Variants in ZNF318 observed in about 807,000 individuals in gnomAD.
ZNF318 encodes endocrine regulator.
Under a neutral mutation model 124.2 loss-of-function variants are expected in ZNF318, and 51 were observed. The ratio of observed to expected loss-of-function variants is 0.41; its 90% CI spans 0.33 to 0.52. The LOEUF (loss-of-function observed/expected upper bound fraction) is 0.52. ZNF318 is among the 20% of genes least tolerant of loss of function. The pLI, the probability that ZNF318 is intolerant of heterozygous loss-of-function variation, is 0.23. For missense variants in ZNF318, 2,815 were observed against 2,811.2 expected, an observed-to-expected ratio of 1.00 and a Z score of -0.03; for synonymous variants, 1,090 against 1,040.7, an observed-to-expected ratio of 1.05 and a Z score of -0.91.
Position 43,355,503 on chromosome 6 carries a change from A to G in ZNF318, c.1831T>C (p.Leu611=), listed in dbSNP as rs771460235. 1.9e-6 allele frequency: 3 copies of G among 1,614,194 alleles called. No individual in the cohort carries two copies. Among genetic ancestry groups the G allele is most frequent in the Admixed American group, 1.7e-5 (1 of 60,028 alleles). The change falls in exon 4 of 10, where the codon TTG becomes CTG. Residue 611 remains leucine (L), a synonymous_variant. Coordinates refer to ENST00000361428, the MANE Select transcript of ZNF318 (RefSeq NM_014345.3). ...AGTCGTTCCTGGGTGCGTGCAGCCAATTGACTAATCTCTGCTACTCCAATA... is the reference window on the plus strand; with the variant it reads ...AGTCGTTCCTGGGTGCGTGCAGCCAGTTGACTAATCTCTGCTACTCCAATA... ...LDIGVAEISQ[L]AARTQERLHG...
intron 6 of ZNF318, among the ~76,000 whole-genome samples, chr6:43,345,683 G>GAA (rs1343074857): frequency 6.6e-6 from 1 of 152,016 alleles, no homozygotes; most frequent in Non-Finnish European, 1.5e-5. Flanking sequence ...GGAAGACATG[G>GAA]AAAAAAATAG....
At chr6:43,346,693 A>T (rs1779452966) in intron 6 of ZNF318, among the ~76,000 whole-genome samples, 1 of 152,200 alleles carries the variant, frequency 6.6e-6, no homozygotes, top group Non-Finnish European at 1.5e-5. Context: ...AAGAGGTGGT[A>T]TCCAAATTGG....
rs1581640197 is a variant in ZNF318, at chr6:43,342,817, C to A, written c.3135G>T (p.Gln1045His). 6.2e-7 allele frequency: 1 copy of A among 1,614,132 alleles called. No homozygotes were observed. Among genetic ancestry groups the A allele is most frequent in the Non-Finnish European group, 8.5e-7 (1 of 1,180,004 alleles). ...GCTGATCCAACTGCTTAGTGGCTGA[C>A]TGGGGGCTTTCGGCAGGCTTGGGGC... Reference protein sequence around the residue: ...TKSPKPAESPQSATKQLDQPT... With the variant: ...TKSPKPAESPHSATKQLDQPT... Residue 1045 changes from glutamine to histidine, a missense_variant, in exon 7 of 10, where the codon CAG (glutamine) becomes CAT (histidine). By Grantham distance (24) the Gln-to-His change is conservative. Transcript: ENST00000361428.
chr6:43,369,436 CGCCGCAGCTGCAGCCGCCGCCACCTCG>C lies in ZNF318; in HGVS notation c.-98_-72del, dbSNP rs1214930890. 2.7e-6 allele frequency: 3 copies of C among 1,125,270 alleles called. No homozygotes were observed. Among genetic ancestry groups the C allele is most frequent in the East Asian group, 4.2e-5 (1 of 23,778 alleles). The allele number at this position is 1,125,270 out of a possible 1,614,324, so 69.7% of individuals were successfully genotyped here. A position where few individuals can be genotyped will look rare whatever the true frequency, so the allele number is the denominator to read the frequency against. On this transcript the variant is annotated 5_prime_UTR_variant, in exon 1 of 10. Coordinates refer to ENST00000361428, the MANE Select transcript of ZNF318 (RefSeq NM_014345.3). Reference sequence around the variant, plus strand: ...CCCTAGACGCAGGCTCGGAGCGCGCCGCCGCAGCTGCAGCCGCCGCCACCTCGGCCGCTGCGCGCCGCCTCAGCCGCG... The same window carrying C: ...CCCTAGACGCAGGCTCGGAGCGCGCCGCCGCTGCGCGCCGCCTCAGCCGCG...
At chr6:43,354,637 C>T (rs1779577885) in intron 4 of ZNF318, 27 bp downstream of exon 4, 1 of 1,547,080 alleles carries the variant, frequency 6.5e-7, no homozygotes, top group African/African-American at 1.4e-5. Context: ...AAAACTCAGG[C>T]ACAGGATACC....
intron 8 of ZNF318, among the ~76,000 whole-genome samples, chr6:43,341,569 G>A (rs1485660582): frequency 6.6e-6 from 1 of 151,418 alleles, no homozygotes; most frequent in Non-Finnish European, 1.5e-5. Flanking sequence ...AGAATGGGGT[G>A]AACCCGGGAG....
chr6:43,348,206 A>C (rs1779475517), intron 6 of ZNF318, 118 bp downstream of exon 6: 1 of 1,053,400 alleles, frequency 9.5e-7, no homozygotes, highest in Non-Finnish European at 1.4e-6. Flanking sequence ...CTATACTGTA[A>C]GAAAATAATT....
rs773971394 is a variant in ZNF318, at chr6:43,337,595, T to A, written c.6403A>T (p.Met2135Leu). 6.2e-7 allele frequency: 1 copy of A among 1,614,148 alleles called. No individual in the cohort carries two copies. Among genetic ancestry groups the A allele is most frequent in the Non-Finnish European group, 8.5e-7 (1 of 1,180,016 alleles). Residue 2135 changes from methionine (M) to leucine (L), a missense_variant, in exon 10 of 10, where the codon ATG becomes TTG. By Grantham distance (15) the Met-to-Leu change is conservative. Transcript: ENST00000361428. The part of the protein sequence containing the change: ...QALDLLAGGM[M>L]PEEVKESSQL... Reference sequence around the variant, plus strand: ...GAAGATTCTTTTACTTCCTCAGGCATCATTCCTCCTGCTAACAGGTCAAGG... The same window carrying A: ...GAAGATTCTTTTACTTCCTCAGGCAACATTCCTCCTGCTAACAGGTCAAGG...
In ZNF318 at chr6:43,338,998, G is replaced by C. The variant is rs1365272400; in HGVS notation, c.5000C>G (p.Thr1667Arg). The change falls in exon 10 of 10, where the codon ACA (threonine) becomes AGA (arginine). Residue 1667 changes from threonine (T) to arginine (R), a missense_variant. Physicochemically the swap from Thr to Arg is moderately conservative, Grantham distance 71. Coordinates refer to ENST00000361428, the MANE Select transcript of ZNF318 (RefSeq NM_014345.3). Reference sequence around the variant, plus strand: ...CTGTAGGAAGCCATAGGTGCTGCCTGTGCTTTTTGGGCCTACATGTTCTAC... The same window carrying C: ...CTGTAGGAAGCCATAGGTGCTGCCTCTGCTTTTTGGGCCTACATGTTCTAC... Reference protein sequence around the residue: ...SVVEHVGPKSTGSTYGFLQPL... With the variant: ...SVVEHVGPKSRGSTYGFLQPL... 1.9e-6 allele frequency: 3 copies of C among 1,614,096 alleles called. No homozygotes were observed. Among genetic ancestry groups the C allele is most frequent in the East Asian group, 4.5e-5 (2 of 44,900 alleles).
chr6:43,369,443 G>C lies in ZNF318; in HGVS notation c.-78C>G. 1 of 1,098,740 alleles carries C rather than the reference G, an allele frequency of 9.1e-7. No homozygotes were observed. The highest frequency in any genetic ancestry group is 4.9e-5 in the Admixed American group (1 of 20,476). 68.1% of individuals were successfully genotyped at this position (1,098,740 alleles called of 1,614,324 possible). A position where few individuals can be genotyped will look rare whatever the true frequency, so the allele number is the denominator to read the frequency against. Reference sequence around the variant, plus strand: ...CGCAGGCTCGGAGCGCGCCGCCGCAGCTGCAGCCGCCGCCACCTCGGCCGC... The same window carrying C: ...CGCAGGCTCGGAGCGCGCCGCCGCACCTGCAGCCGCCGCCACCTCGGCCGC... On this transcript the variant is annotated 5_prime_UTR_variant, in exon 1 of 10. Transcript: ENST00000361428.
At position 43,338,864 on chromosome 6, in the gene ZNF318, T is replaced by C. The variant is rs148650984; in HGVS notation, c.5134A>G (p.Ile1712Val). Residue 1712 changes from isoleucine to valine, a missense_variant, in exon 10 of 10, where the codon ATA becomes GTA. Physicochemically the swap from Ile to Val is conservative, Grantham distance 29. Coordinates refer to ENST00000361428, the MANE Select transcript of ZNF318 (RefSeq NM_014345.3). ...TCAAGCTCACTCTTCTCTGGAGATA[T>C]ATCCCTACTAGTGTCACTCTGGAAG... Reference protein sequence around the residue: ...SSFQSDTSRDISPEKSELDLG... With the variant: ...SSFQSDTSRDVSPEKSELDLG... 392 of 1,614,146 alleles carry C rather than the reference T, an allele frequency of 2.4e-4. 4 individuals are homozygous for C. In the East Asian group the frequency reaches 7.5e-3, roughly 31 times the overall value.
Position 43,339,510 on chromosome 6 carries a change from C to T in ZNF318, c.4488G>A (p.Leu1496=). The change falls in exon 10 of 10, where the codon TTG becomes TTA. Residue 1496 remains leucine, a synonymous_variant. Coordinates refer to ENST00000361428, the MANE Select transcript of ZNF318 (RefSeq NM_014345.3). The surrounding 1 kb of genome is among the most constrained non-coding windows in gnomAD (Gnocchi z 4.2). ...TGATGGCTACAGGCAACACTGGGTT[C>T]AAAATGTTAGGACCCACGAAGCCAG... The part of the protein sequence containing the change: ...LSPGFVGPNI[L]NPVLPVAIMA... 1 of 1,614,098 alleles carries T rather than the reference C, an allele frequency of 6.2e-7. No homozygotes were observed. The highest frequency in any genetic ancestry group is 2.2e-5 in the East Asian group (1 of 44,880).
chr6:43,341,835 A>C (rs1581639726), intron 8 of ZNF318, among the ~76,000 whole-genome samples: 1 of 152,232 alleles, frequency 6.6e-6, no homozygotes, highest in African/African-American at 2.4e-5. Flanking sequence ...TTTTGGGCCC[A>C]TAAGCCAATG....
Position 43,355,665 on chromosome 6 carries a change from TC to T in ZNF318, c.1668del (p.Ser557AlafsTer7), listed in dbSNP as rs1215523483. On this transcript the variant is annotated frameshift_variant, in exon 4 of 10. Transcript: ENST00000361428. LOFTEE classifies it high-confidence loss of function. Reference sequence around the variant, plus strand: ...TGCCTCATAACTTCACTCTCAGAGCTCCCAAGGGGCTTTGGTACGGATTCTG... The same window carrying T: ...TGCCTCATAACTTCACTCTCAGAGCTCCAAGGGGCTTTGGTACGGATTCTG... ...LKAESVPKPLGSSESEVMRQK... is the reference protein window; with the variant it reads ...LKAESVPKPLXSSESEVMRQK... 6.2e-7 allele frequency: 1 copy of T among 1,614,056 alleles called. No individual in the cohort carries two copies. Among genetic ancestry groups the T allele is most frequent in the African/African-American group, 1.3e-5 (1 of 74,916 alleles).
chr6:43,351,595 T>TA (rs903516811), intron 5 of ZNF318, among the ~76,000 whole-genome samples: 2 of 152,000 alleles, frequency 1.3e-5, no homozygotes, highest in African/African-American at 4.8e-5. Flanking sequence ...ACCCCATTGC[T>TA]ACTAAAATTA....
intron 1 of ZNF318, among the ~76,000 whole-genome samples, chr6:43,367,241 G>C (rs1472591250): frequency 1.3e-5 from 2 of 152,128 alleles, no homozygotes; most frequent in Non-Finnish European, 2.9e-5. Flanking sequence ...AACTCTCCCT[G>C]CTAGAATATT....
chr6:43,342,043 T>C (rs1779378937), intron 8 of ZNF318, 69 bp downstream of exon 8: 1 of 1,349,944 alleles, frequency 7.4e-7, no homozygotes, highest in Non-Finnish European at 1.1e-6. Context: ...TCCTACAATG[T>C]TAGTTCAGGG....
At chr6:43,348,761 T>C (rs1419691651) in intron 5 of ZNF318, 136 bp from the exon 6 acceptor site, 4 of 1,023,340 alleles carry the variant, frequency 3.9e-6, no homozygotes, top group Non-Finnish European at 5.6e-6. Flanking sequence ...TGGCTAGGCG[T>C]GGTGGCTCAT....
In ZNF318 at chr6:43,348,368, T is replaced by C; in HGVS notation, c.3028A>G (p.Ser1010Gly). Reference protein sequence around the residue: ...EKPGKAEKSKSPEKVSSFSNS... With the variant: ...EKPGKAEKSKGPEKVSSFSNS... Reference sequence around the variant, plus strand: ...GAGAACGATGACACTTTTTCTGGGCTCTTAGATTTTTCTGCTTTCCCAGGC... The same window carrying C: ...GAGAACGATGACACTTTTTCTGGGCCCTTAGATTTTTCTGCTTTCCCAGGC... Residue 1010 changes from serine (S) to glycine (G), a missense_variant, in exon 6 of 10, where the codon AGC (serine) becomes GGC (glycine). Around this residue, in one of 4 missense-constraint regions of ZNF318, gnomAD observed 1,377 missense variants for 1,353.5 expected, o/e 1.02. Coordinates refer to ENST00000361428, the MANE Select transcript of ZNF318 (RefSeq NM_014345.3). 1 of 1,613,148 alleles carries C rather than the reference T, an allele frequency of 6.2e-7. No homozygotes were observed. The highest frequency in any genetic ancestry group is 1.3e-5 in the African/African-American group (1 of 74,868).
Sources: allele counts gnomAD v4.1 joint callset (sites outside exome capture counted in the v4.1 genomes callset), GRCh38; gene constraint gnomAD v4.1.1; regional missense constraint gnomAD v4.1.1; non-coding constraint Gnocchi (gnomAD v3.1); transcripts MANE v1.5; gene names NCBI Gene and HGNC (gene_info 2026-07-23, HGNC 2026-07-21).